FAM227A: variants seen among roughly 807,000 people sequenced by gnomAD.
The protein encoded by FAM227A is family with sequence similarity 227 member A, also known as protein FAM227A.
FAM227A carries 80 observed loss-of-function variants against 74.7 expected under a neutral mutation model. The observed-to-expected ratio is 1.07, with a 90% CI of 0.89 to 1.29. The LOEUF (loss-of-function observed/expected upper bound fraction) is 1.29. FAM227A is among the 50% of genes most tolerant of loss of function. The pLI, the probability that FAM227A is intolerant of heterozygous loss-of-function variation, is 0.00. For synonymous variants in FAM227A, 237 were observed against 241.8 expected (o/e 0.98, Z 0.19); for missense variants, 654 against 683.4 (o/e 0.96, Z 0.48).
chr22:38,591,182 G>A (rs1215726445), intron 16 of FAM227A, among the ~76,000 whole-genome samples: 1 of 152,050 alleles, frequency 6.6e-6, no homozygotes, highest in African/African-American at 2.4e-5. Flanking sequence ...AAATGAGCTG[G>A]GCATGGTGGC....
At chr22:38,598,329 G>A (rs572626168) in intron 14 of FAM227A, among the ~76,000 whole-genome samples, 2 of 152,310 alleles carry the variant, frequency 1.3e-5, no homozygotes, top group East Asian at 3.9e-4. Context: ...TTTTAGGAAT[G>A]AGTAGATAAA....
chr22:38,625,166 G>A (rs1047877980), intron 9 of FAM227A, among the ~76,000 whole-genome samples: 3 of 152,040 alleles, frequency 2.0e-5, no homozygotes, highest in Non-Finnish European at 2.9e-5. Context: ...TTGTTGGGCG[G>A]ATGACGAGGT....
At position 38,625,711 on chromosome 22, in the gene FAM227A, C is replaced by T. The variant is rs367925936; in HGVS notation, c.850+469G>A. Among the ~76,000 whole-genome samples, 6 of 152,076 alleles carry T rather than the reference C, an allele frequency of 3.9e-5. No individual in the cohort carries two copies. In the East Asian group the frequency reaches 5.8e-4, roughly 15 times the overall value. On this transcript the variant is annotated intron_variant, in intron 9 of 16. Coordinates refer to ENST00000535113, the MANE Select transcript of FAM227A (RefSeq NM_001013647.2). ...CTGTAATCCCAGCACTTTGGGAGGC[C>T]GAAGCAGGCGGATTATGAGGTCAGG...
chr22:38,622,054 A>G (rs991353110), intron 10 of FAM227A, among the ~76,000 whole-genome samples: 1 of 152,216 alleles, frequency 6.6e-6, no homozygotes, highest in Non-Finnish European at 1.5e-5. Flanking sequence ...AGACATGCCC[A>G]CCAGGCATCA....
At chr22:38,626,881 A>AAAG (rs2091814406) in intron 8 of FAM227A, among the ~76,000 whole-genome samples, 1 of 106,754 alleles carries the variant, frequency 9.4e-6, no homozygotes, top group African/African-American at 4.0e-5. Context: ...AAAAAAAAAA[A>AAAG]AAAAAAAAAA....
In FAM227A at chr22:38,656,337, GTCTCCACT is replaced by G. The variant is rs2145771485; in HGVS notation, c.-320_-313del. 1 of 152,442 alleles carries G rather than the reference GTCTCCACT, an allele frequency of 6.6e-6. No homozygotes were observed. Among genetic ancestry groups the G allele is most frequent in the Non-Finnish European group, 1.5e-5 (1 of 68,104 alleles). 9.4% of individuals were successfully genotyped at this position (152,442 alleles called of 1,614,324 possible). ...GCGTTCTCTAGGCAACGCCGGCGCG[GTCTCCACT>G]TTCCCGTTTAGCATAACAATGGAAC... On this transcript the variant is annotated 5_prime_UTR_variant, in exon 1 of 17. The change creates a premature stop within an existing upstream ORF in the 5' untranslated region. Coordinates refer to ENST00000535113, the MANE Select transcript of FAM227A (RefSeq NM_001013647.2).
chr22:38,633,811 A>T (rs2091954989), intron 6 of FAM227A, among the ~76,000 whole-genome samples: 2 of 152,042 alleles, frequency 1.3e-5, no homozygotes, highest in Admixed American at 6.6e-5. Context: ...AAGTGCTGGG[A>T]TTACAGGCGT....
At chr22:38,600,454 C>T (rs1009897340) in intron 13 of FAM227A, among the ~76,000 whole-genome samples, 8 of 151,828 alleles carry the variant, frequency 5.3e-5, no homozygotes, top group Admixed American at 5.2e-4. Context: ...CTATCTCAGC[C>T]TCCCGAGTAG....
chr22:38,586,380 C>T (rs552083816), intron 16 of FAM227A, among the ~76,000 whole-genome samples, 181 bp from the exon 17 acceptor site: 11 of 152,316 alleles, frequency 7.2e-5, no homozygotes, highest in Admixed American at 5.2e-4. Context: ...ACGGCTTCCA[C>T]ATCCCCAGTG....
chr22:38,620,157 G>A (rs2091656978), intron 11 of FAM227A, 55 bp downstream of exon 11: 3 of 1,263,204 alleles, frequency 2.4e-6, no homozygotes, highest in Non-Finnish European at 3.4e-6. Context: ...AGAACCGAGG[G>A]TTCCTGAAGC....
At chr22:38,636,016 GGAAA>G (rs1294482552) in intron 6 of FAM227A, among the ~76,000 whole-genome samples, 1 of 123,956 alleles carries the variant, frequency 8.1e-6, no homozygotes, top group Non-Finnish European at 1.7e-5. Context: ...AGAAAAAGAA[GGAAA>G]GAAAGAAGAG....
intron 6 of FAM227A, among the ~76,000 whole-genome samples, chr22:38,632,478 C>T (rs947276913): frequency 9.2e-5 from 14 of 152,148 alleles, no homozygotes; most frequent in Admixed American, 3.3e-4. Context: ...AAGGCCCTCA[C>T]CAGATGTGGC....
In FAM227A at chr22:38,624,770, C is replaced by A. The variant is rs374232373; in HGVS notation, c.850+1410G>T. Among the ~76,000 whole-genome samples, 6 of 152,260 alleles carry A rather than the reference C, an allele frequency of 3.9e-5. No individual in the cohort carries two copies. In the East Asian group the frequency reaches 7.7e-4, roughly 20 times the overall value. On this transcript the variant is annotated intron_variant, in intron 9 of 16. Transcript: ENST00000535113. ...GGGGATGAGTGGGTTCTGTATGACT[C>A]CTTATGGGAGGGAGGGGCATAAGGA...
chr22:38,616,666 CAAAAAA>C (rs1034004176), intron 11 of FAM227A, among the ~76,000 whole-genome samples: 1 of 111,998 alleles, frequency 8.9e-6, no homozygotes, highest in Non-Finnish European at 1.9e-5. Flanking sequence ...AACTCCATCT[CAAAAAA>C]AAAAAAAAAT....
chr22:38,628,080 A>G (rs2091845994), intron 8 of FAM227A, among the ~76,000 whole-genome samples, 158 bp downstream of exon 8: 1 of 152,074 alleles, frequency 6.6e-6, no homozygotes, highest in Non-Finnish European at 1.5e-5. Flanking sequence ...AAATAGCTCT[A>G]CTGTATTTTT....
At position 38,583,061 on chromosome 22, in the gene FAM227A, G is replaced by C. The variant is rs2090733944; in HGVS notation, c.*3064C>G. 8.2e-7 allele frequency: 1 copy of C among 1,226,050 alleles called. No homozygotes were observed. The highest frequency in any genetic ancestry group is 1.5e-5 in the African/African-American group (1 of 66,894). The allele number at this position is 1,226,050 out of a possible 1,614,324, so 75.9% of individuals were successfully genotyped here. On this transcript the variant is annotated 3_prime_UTR_variant, in exon 17 of 17. Coordinates refer to ENST00000535113, the MANE Select transcript of FAM227A (RefSeq NM_001013647.2). ...CTAGAGAAACTGCAAATGAAGAGTT[G>C]ACAGTGGCTGGGGTAGTAAAGGGAA... is the stretch of plus-strand genomic sequence containing the variant.
chr22:38,582,786 A>C lies in FAM227A; in HGVS notation c.*3339T>G. 1.3e-6 allele frequency: 2 copies of C among 1,537,232 alleles called. No individual in the cohort carries two copies. Among genetic ancestry groups the C allele is most frequent in the Non-Finnish European group, 1.8e-6 (2 of 1,136,826 alleles). On this transcript the variant is annotated 3_prime_UTR_variant, in exon 17 of 17. Coordinates refer to ENST00000535113, the MANE Select transcript of FAM227A (RefSeq NM_001013647.2). ...ATAGGTAGACAGGCAATTCCAATCTACTATGGTAACTGCTGCCATAATGGG... is the reference window on the plus strand; with the variant it reads ...ATAGGTAGACAGGCAATTCCAATCTCCTATGGTAACTGCTGCCATAATGGG...
intron 2 of FAM227A, among the ~76,000 whole-genome samples, chr22:38,647,382 T>C (rs1037228925): frequency 6.6e-6 from 1 of 151,872 alleles, no homozygotes; most frequent in Non-Finnish European, 1.5e-5. Context: ...GAGAATCTCT[T>C]GAACCCAGGA....
At chr22:38,638,535 A>C (rs2092049161) in intron 5 of FAM227A, among the ~76,000 whole-genome samples, 1 of 152,104 alleles carries the variant, frequency 6.6e-6, no homozygotes, top group Non-Finnish European at 1.5e-5. Flanking sequence ...AAATAAACAG[A>C]CACATGACCT....
Sources: gnomAD v4.1 joint callset for allele counts (sites outside exome capture counted in the v4.1 genomes callset) on GRCh38, gnomAD v4.1.1 for gene constraint, MANE v1.5 for transcripts, NCBI Gene and HGNC (gene_info 2026-07-23, HGNC 2026-07-21) for gene names.